Variants in RUFY2 observed in about 807,000 individuals in gnomAD.
The protein encoded by RUFY2 is RUN and FYVE domain containing 2, also known as RUN and FYVE domain-containing protein 2.
Under a neutral mutation model 94.4 loss-of-function variants are expected in RUFY2, and 49 were observed. The ratio of observed to expected loss-of-function variants is 0.52; its 90% confidence interval spans 0.41 to 0.66. The LOEUF is 0.66. RUFY2 is among the 30% of genes least tolerant of loss of function. The pLI, the probability that RUFY2 is intolerant of heterozygous loss-of-function variation, is 0.00. For synonymous variants in RUFY2, 255 were observed against 235.7 expected, an observed-to-expected ratio of 1.08 and a Z score of -0.75; for missense variants, 541 against 692.8, an observed-to-expected ratio of 0.78 and a Z score of 2.46.
intron 16 of RUFY2, among the ~76,000 whole-genome samples, chr10:68,348,666 C>T (rs1026724042): frequency 6.6e-6 from 1 of 152,192 alleles, no homozygotes; most frequent in Non-Finnish European, 1.5e-5. Flanking sequence ...CGGAAACAAC[C>T]TTGCTGACAT....
At chr10:68,376,435 A>ACT (rs2048643031) in intron 13 of RUFY2, among the ~76,000 whole-genome samples, 2 of 64,858 alleles carry the variant, frequency 3.1e-5, no homozygotes. Flanking sequence ...ATCTCAAAAA[A>ACT]ATGTGTGTAT....
intron 4 of RUFY2, among the ~76,000 whole-genome samples, chr10:68,396,034 T>C (rs1053039315): frequency 1.3e-5 from 2 of 152,188 alleles, no homozygotes; most frequent in African/African-American, 4.8e-5. Flanking sequence ...GTCTCACTCT[T>C]ATCACCCAGG....
chr10:68,355,138 C>T (rs1458548117), intron 16 of RUFY2, among the ~76,000 whole-genome samples: 3 of 152,116 alleles, frequency 2.0e-5, no homozygotes, highest in African/African-American at 4.8e-5. Flanking sequence ...TGAGCCACTG[C>T]GCCCGGCCTC....
At chr10:68,369,638 T>C (rs1247192877) in intron 13 of RUFY2, among the ~76,000 whole-genome samples, 1 of 151,978 alleles carries the variant, frequency 6.6e-6, no homozygotes, top group Non-Finnish European at 1.5e-5. Flanking sequence ...GCCAGTTTGG[T>C]AGGCCAGGAA....
intron 16 of RUFY2, among the ~76,000 whole-genome samples, chr10:68,353,984 G>A (rs2046875605): frequency 6.6e-6 from 1 of 151,910 alleles, no homozygotes; most frequent in Non-Finnish European, 1.5e-5. Flanking sequence ...AGAGCAAATA[G>A]TACATACTGA....
intron 7 of RUFY2, among the ~76,000 whole-genome samples, chr10:68,391,621 T>C (rs1589955860): frequency 8.6e-6 from 1 of 115,724 alleles, no homozygotes; most frequent in South Asian, 3.2e-4. Flanking sequence ...CCCTCTACCC[T>C]CCAGCCTGGG....
In RUFY2 at chr10:68,343,920, T is replaced by C. The variant is rs1027227981; in HGVS notation, c.*1848A>G. ...AAAATCATGGTTTGTTGAATGAAAT[T>C]AGCCTTGGAATTTAAGCAACTTAAG... is the stretch of plus-strand genomic sequence containing the variant. On this transcript the variant is annotated 3_prime_UTR_variant, in exon 18 of 18. Transcript: ENST00000602465. 1 of 151,844 alleles carries C rather than the reference T, an allele frequency of 6.6e-6. No individual in the cohort carries two copies. The highest frequency in any genetic ancestry group is 2.4e-5 in the African/African-American group (1 of 41,328). The allele number at this position is 151,844 out of a possible 1,614,324, so 9.4% of individuals were successfully genotyped here.
chr10:68,368,989 C>G (rs1294844076), intron 13 of RUFY2, among the ~76,000 whole-genome samples: 1 of 152,122 alleles, frequency 6.6e-6, no homozygotes, highest in Non-Finnish European at 1.5e-5. Flanking sequence ...TCAGCAAAGG[C>G]TGAGTGAGGA....
At chr10:68,370,824 C>T (rs971033137) in intron 13 of RUFY2, among the ~76,000 whole-genome samples, 2 of 151,846 alleles carry the variant, frequency 1.3e-5, no homozygotes, top group African/African-American at 4.8e-5. Flanking sequence ...GAACAGGAAC[C>T]TGTGGGACTA....
downstream of RUFY2, chr10:68,342,237 A>T (rs1481984074): frequency 5.9e-6 from 3 of 510,244 alleles, no homozygotes; most frequent in Non-Finnish European, 1.0e-5. Context: ...TATTTGTTGC[A>T]TACTTTGACT....
In RUFY2 at chr10:68,360,645, G is replaced by A. The variant is rs560477018; in HGVS notation, c.1550+2945C>T. Among the ~76,000 whole-genome samples, 484 of 152,220 alleles carry A rather than the reference G, an allele frequency of 3.2e-3. 3 individuals carry two copies. The highest frequency in any genetic ancestry group is 0.011 in the African/African-American group (461 of 41,532). ...CACCTGTAGTCCCAGCTACTCAGGA[G>A]GCTGAGGCAGGAGAAGGACGTGAAC... On this transcript the variant is annotated intron_variant, in intron 15 of 17. Transcript: ENST00000602465.
Position 68,381,322 on chromosome 10 carries a change from A to G in RUFY2, c.1017T>C (p.Asp339=). Residue 339 remains aspartate (D), a synonymous_variant, in exon 11 of 18, where the codon GAT becomes GAC. Transcript: ENST00000602465. ...IELAMKLLEK[D]IHEKQDTLIG... ...TCAGAGTATCTTGTTTCTCATGGATATCTTTCTCCAGCAACTTCATGGCAA... is the reference window on the plus strand; with the variant it reads ...TCAGAGTATCTTGTTTCTCATGGATGTCTTTCTCCAGCAACTTCATGGCAA... 6.2e-7 allele frequency: 1 copy of G among 1,613,988 alleles called. No homozygotes were observed. The highest frequency in any genetic ancestry group is 8.5e-7 in the Non-Finnish European group (1 of 1,179,934).
intron 6 of RUFY2, 127 bp downstream of exon 6, chr10:68,393,948 G>A (rs1441516682): frequency 7.1e-7 from 1 of 1,406,316 alleles, no homozygotes; most frequent in Non-Finnish European, 9.3e-7. Context: ...AAGTGAAAAT[G>A]AAATGAAGAA....
intron 13 of RUFY2, among the ~76,000 whole-genome samples, chr10:68,376,458 A>G (rs1267490515): frequency 6.8e-5 from 2 of 29,294 alleles, no homozygotes; most frequent in African/African-American, 2.7e-4. Context: ...ATATATATAT[A>G]TATATATATA....
At chr10:68,348,336 T>G (rs1403799231) in intron 16 of RUFY2, among the ~76,000 whole-genome samples, 2 of 149,768 alleles carry the variant, frequency 1.3e-5, no homozygotes, top group African/African-American at 5.0e-5. Flanking sequence ...CAAGACCCCA[T>G]CTCTACAAAA....
In RUFY2 at chr10:68,381,313, C is replaced by A; in HGVS notation, c.1026G>T (p.Glu342Asp). The A allele has an allele frequency of 6.2e-7, 1 of 1,613,918 alleles. No homozygotes were observed. The highest frequency in any genetic ancestry group is 8.5e-7 in the Non-Finnish European group (1 of 1,179,900). Residue 342 changes from glutamate (E) to aspartate (D), a missense_variant, in exon 11 of 18, where the codon GAG (glutamate) becomes GAT (aspartate). Transcript: ENST00000602465. The part of the protein sequence containing the change: ...AMKLLEKDIH[E>D]KQDTLIGLRQ... The stretch of plus-strand genomic sequence containing the variant: ...GAAGGCCTATCAGAGTATCTTGTTT[C>A]TCATGGATATCTTTCTCCAGCAACT...
At chr10:68,341,608 T>A, downstream of RUFY2, 2 of 1,612,748 alleles carry the variant, frequency 1.2e-6, no homozygotes, top group African/African-American at 2.7e-5. Flanking sequence ...TGAACTCTTC[T>A]TGAATTCTAC....
At chr10:68,394,757 G>A (rs2050258456) in intron 4 of RUFY2, among the ~76,000 whole-genome samples, 1 of 151,544 alleles carries the variant, frequency 6.6e-6, no homozygotes. Flanking sequence ...AGCCTCCTGA[G>A]TAGCTGGGAC....
At chr10:68,406,760 T>C (rs2051353173) in intron 1 of RUFY2, 1 of 1,609,588 alleles carries the variant, frequency 6.2e-7, no homozygotes. Context: ...TCACCCAGGC[T>C]CCTGCGCGTC....
Sources: gnomAD v4.1 joint callset for allele counts (sites outside exome capture counted in the v4.1 genomes callset) on GRCh38, gnomAD v4.1.1 for gene constraint, MANE v1.5 for transcripts, NCBI Gene and HGNC (gene_info 2026-07-23, HGNC 2026-07-21) for gene names.